Variants in B3GALT1 observed in about 807,000 individuals in gnomAD.
B3GALT1 encodes the protein UDP-Gal:betaGlcNAc beta 1,3-galactosyltransferase, polypeptide 1.
Under a neutral mutation model 23.2 loss-of-function variants are expected in B3GALT1, and 10 were observed. That is an observed-to-expected ratio of 0.43 (90% CI 0.27 to 0.73). The LOEUF (loss-of-function observed/expected upper bound fraction) is 0.73, where lower values mean the gene tolerates loss of function less well. Ranked by LOEUF, B3GALT1 falls within the 30% of genes least tolerant of loss-of-function variation. The probability of loss-of-function intolerance (pLI) is 0.21; values close to 1 mark genes in which losing one functional copy is unlikely to be tolerated. For synonymous variants in B3GALT1, 156 were observed against 141.5 expected (o/e 1.10, Z -0.73); for missense variants, 299 against 405.4 (o/e 0.74, Z 2.25).
chr2:167,649,753 T>C (rs1168431718), intron 3 of B3GALT1, among the ~76,000 whole-genome samples: 1 of 152,122 alleles, frequency 6.6e-6, no homozygotes, highest in African/African-American at 2.4e-5. Flanking sequence ...TGTTTTTGTA[T>C]GTTGATCTTG....
chr2:167,780,579 A>G (rs192649689), intron 3 of B3GALT1, among the ~76,000 whole-genome samples: 37 of 152,300 alleles, frequency 2.4e-4, no homozygotes, highest in Admixed American at 4.6e-4. Context: ...AAACTCTTAG[A>G]GATGCACACT....
At chr2:167,629,804 C>G in intron 2 of B3GALT1, among the ~76,000 whole-genome samples, 1 of 151,734 alleles carries the variant, frequency 6.6e-6, no homozygotes. Context: ...TATACCTTGG[C>G]AGATTTACAA....
intron 3 of B3GALT1, among the ~76,000 whole-genome samples, chr2:167,666,366 C>T (rs1024350664): frequency 1.2e-4 from 18 of 152,084 alleles, no homozygotes; most frequent in African/African-American, 1.7e-4. Flanking sequence ...AGCTTTACTT[C>T]CAACTATGTG....
At chr2:167,410,981 A>C (rs1346374819) in intron 1 of B3GALT1, among the ~76,000 whole-genome samples, 1 of 152,084 alleles carries the variant, frequency 6.6e-6, no homozygotes, top group Non-Finnish European at 1.5e-5. Context: ...CCTTAAGAAA[A>C]AGGAGCATAT....
intron 3 of B3GALT1, among the ~76,000 whole-genome samples, chr2:167,703,841 A>T (rs1686920944): frequency 6.6e-6 from 1 of 152,142 alleles, no homozygotes; most frequent in African/African-American, 2.4e-5. Flanking sequence ...ACTCCTACTG[A>T]CTGACCCCTC....
chr2:167,520,572 C>T (rs905078522), intron 2 of B3GALT1, among the ~76,000 whole-genome samples: 5 of 152,094 alleles, frequency 3.3e-5, no homozygotes, highest in Admixed American at 6.6e-5. Context: ...AAGTCAACAG[C>T]GAAAATGCCT....
At chr2:167,684,628 A>G (rs1196432580) in intron 3 of B3GALT1, among the ~76,000 whole-genome samples, 1 of 152,224 alleles carries the variant, frequency 6.6e-6, no homozygotes, top group African/African-American at 2.4e-5. Flanking sequence ...TTCTCCTAGG[A>G]TGTGATAAAA....
intron 2 of B3GALT1, among the ~76,000 whole-genome samples, chr2:167,588,732 A>G (rs1684619886): frequency 6.6e-6 from 1 of 151,824 alleles, no homozygotes; most frequent in East Asian, 1.9e-4. Flanking sequence ...ATATTTTTAT[A>G]ATTTATAAGG....
At chr2:167,775,342 G>A (rs540777672) in intron 3 of B3GALT1, among the ~76,000 whole-genome samples, 4 of 152,250 alleles carry the variant, frequency 2.6e-5, no homozygotes, top group African/African-American at 9.6e-5. Flanking sequence ...AGGCCGAGGT[G>A]GGTGGATCAC....
In B3GALT1 at chr2:167,515,223, A is replaced by G. The variant is rs114342084; in HGVS notation, c.-410+24946A>G. Reference sequence around the variant, plus strand: ...AGCTTGGAAAATTCAGAGAAACATTAGAGATTTTCCTCTAGAGGTAAGTAA... The same window carrying G: ...AGCTTGGAAAATTCAGAGAAACATTGGAGATTTTCCTCTAGAGGTAAGTAA... On this transcript the variant is annotated intron_variant, in intron 2 of 4. Coordinates refer to ENST00000392690, the MANE Select transcript of B3GALT1 (RefSeq NM_020981.4). 4.6e-3 allele frequency among the ~76,000 whole-genome samples: 696 copies of G among 152,244 alleles called. 6 individuals are homozygous for G. Among genetic ancestry groups the G allele is most frequent in the African/African-American group, 0.016 (669 of 41,574 alleles).
intron 2 of B3GALT1, among the ~76,000 whole-genome samples, chr2:167,578,919 G>A (rs575769195): frequency 3.9e-5 from 6 of 151,936 alleles, no homozygotes; most frequent in Non-Finnish European, 7.4e-5. Flanking sequence ...AGAATGGAGC[G>A]TGTATAATAG....
intron 3 of B3GALT1, chr2:167,715,686 A>G (rs1198963768): frequency 6.2e-7 from 1 of 1,613,374 alleles, no homozygotes; most frequent in East Asian, 2.2e-5. Context: ...GTTGCCTCCA[A>G]ACTTCGTGCT....
intron 2 of B3GALT1, among the ~76,000 whole-genome samples, chr2:167,645,741 T>C (rs1359579978): frequency 6.6e-6 from 1 of 151,790 alleles, no homozygotes; most frequent in African/African-American, 2.4e-5. Flanking sequence ...CTCATTTCTT[T>C]TGTATTTTTA....
chr2:167,474,361 C>A (rs4384747), intron 1 of B3GALT1, among the ~76,000 whole-genome samples: 9 of 152,026 alleles, frequency 5.9e-5, no homozygotes, highest in South Asian at 2.1e-4. Flanking sequence ...GTCATCTATC[C>A]TTTCCCTTGT....
rs561499321 is a variant in B3GALT1, at chr2:167,729,185, T to C, written c.-352+82219T>C. On this transcript the variant is annotated intron_variant, in intron 3 of 4. Coordinates refer to ENST00000392690, the MANE Select transcript of B3GALT1 (RefSeq NM_020981.4). Reference sequence around the variant, plus strand: ...ATGAGTGAGTATCAGGGAAAGGCAGTCTTGCTCACTCACAGGGACACCTAA... The same window carrying C: ...ATGAGTGAGTATCAGGGAAAGGCAGCCTTGCTCACTCACAGGGACACCTAA... 5.3e-5 allele frequency among the ~76,000 whole-genome samples: 8 copies of C among 152,304 alleles called. No homozygotes were observed. The East Asian group carries it at 1.5e-3, about 29-fold the overall frequency.
chr2:167,716,218 CG>C (rs1448762211), intron 3 of B3GALT1, among the ~76,000 whole-genome samples: 1 of 152,220 alleles, frequency 6.6e-6, no homozygotes, highest in Non-Finnish European at 1.5e-5. Context: ...CTGGGGAATG[CG>C]GGCACCCCCC....
chr2:167,757,126 A>G (rs1026413174), intron 3 of B3GALT1, among the ~76,000 whole-genome samples: 2 of 152,194 alleles, frequency 1.3e-5, no homozygotes, highest in Non-Finnish European at 2.9e-5. Context: ...AGGAAGTGGT[A>G]CAGAAGAAGA....
At chr2:167,548,706 G>GTGTGTGTA (rs1187178399) in intron 2 of B3GALT1, among the ~76,000 whole-genome samples, 1 of 148,958 alleles carries the variant, frequency 6.7e-6, no homozygotes, top group East Asian at 2.3e-4. Context: ...GTGTGTGTGT[G>GTGTGTGTA]TGTGTGTGTG....
chr2:167,797,848 G>A (rs1000405874), intron 3 of B3GALT1, among the ~76,000 whole-genome samples: 1 of 152,138 alleles, frequency 6.6e-6, no homozygotes, highest in Non-Finnish European at 1.5e-5. Flanking sequence ...GGGACTACAG[G>A]TGCCCGTGAC....
Sources: allele counts gnomAD v4.1 joint callset (sites outside exome capture counted in the v4.1 genomes callset), GRCh38; gene constraint gnomAD v4.1.1; transcripts MANE v1.5; gene names NCBI Gene and HGNC (gene_info 2026-07-23, HGNC 2026-07-21).